HADHB: variants seen among roughly 807,000 people sequenced by gnomAD.
HADHB encodes the protein trifunctional enzyme subunit beta, mitochondrial.
Under a neutral mutation model 61.9 loss-of-function variants are expected in HADHB, and 50 were observed. The observed-to-expected ratio is 0.81, with a 90% CI of 0.64 to 1.02. HADHB has a LOEUF of 1.02. Among genes scored for constraint, HADHB ranks in the 50% least tolerant of loss-of-function variants. The pLI is 0.00. For missense variants in HADHB, 504 were observed against 586.5 expected, an observed-to-expected ratio of 0.86 and a Z score of 1.45; for synonymous variants, 191 against 201.6, an observed-to-expected ratio of 0.95 and a Z score of 0.45.
chr2:26,265,591 A>G (rs1672042155), intron 4 of HADHB, among the ~76,000 whole-genome samples: 1 of 136,360 alleles, frequency 7.3e-6, no homozygotes, highest in Non-Finnish European at 1.7e-5. Flanking sequence ...GCAAAACTCC[A>G]TCTCAAAACA....
In HADHB at chr2:26,273,699, C is replaced by A. The variant is rs1428549804; in HGVS notation, c.303C>A (p.Ile101=). The part of the protein sequence containing the change: ...TSVPKEVVDY[I]IFGTVIQEVK... The stretch of plus-strand genomic sequence containing the variant: ...TCCCTAAGGAAGTAGTTGATTATAT[C>A]ATCTTTGGTACAGTTATTCAGGAAG... The change falls in exon 6 of 16, where the codon ATC becomes ATA. Residue 101 remains isoleucine (I), a synonymous_variant. Coordinates refer to ENST00000317799, the MANE Select transcript of HADHB (RefSeq NM_000183.3). The A allele has an allele frequency of 1.2e-6, 2 of 1,609,650 alleles. No individual in the cohort carries two copies. Among genetic ancestry groups the A allele is most frequent in the African/African-American group, 2.7e-5 (2 of 74,796 alleles).
intron 4 of HADHB, 68 bp downstream of exon 4, chr2:26,263,547 A>G: frequency 1.0e-6 from 1 of 959,032 alleles, no homozygotes; most frequent in East Asian, 2.4e-5. Context: ...GTCTTTGTAA[A>G]TGTAACCCAG....
intron 2 of HADHB, 44 bp downstream of exon 2, chr2:26,254,362 A>G (rs2147800955): frequency 6.9e-7 from 1 of 1,459,216 alleles, no homozygotes; most frequent in East Asian, 2.3e-5. Flanking sequence ...TTGGATTTGG[A>G]TTTATAAACA....
At chr2:26,249,662 A>G (rs574787718) in intron 1 of HADHB, among the ~76,000 whole-genome samples, 6 of 151,884 alleles carry the variant, frequency 4.0e-5, no homozygotes, top group East Asian at 1.9e-4. Flanking sequence ...TGTTAGCTCT[A>G]TCTTAGCCTA....
At chr2:26,246,947 TGCGTGCGTGTGTGTGTGTGC>T (rs1341743500) in intron 1 of HADHB, among the ~76,000 whole-genome samples, 2 of 152,178 alleles carry the variant, frequency 1.3e-5, no homozygotes, top group Non-Finnish European at 1.5e-5. Context: ...CACGTGGGTG[TGCGTGCGTGTGTGTGTGTGC>T]GCGTGCGCGT....
Position 26,276,472 on chromosome 2 carries a change from C to A in HADHB, c.355-601C>A, listed in dbSNP as rs1318400995. Among the ~76,000 whole-genome samples, 2 of 152,224 alleles carry A rather than the reference C, an allele frequency of 1.3e-5. 1 individual carries two copies. Among genetic ancestry groups the A allele is most frequent in the Admixed American group, 1.3e-4 (2 of 15,286 alleles). ...TTGCATTGGGTCTGCAGTGTGCTATCTGAAGTATCAGACGGTCAGTAAGAG... is the reference window on the plus strand; with the variant it reads ...TTGCATTGGGTCTGCAGTGTGCTATATGAAGTATCAGACGGTCAGTAAGAG... On this transcript the variant is annotated intron_variant, in intron 6 of 15. Coordinates refer to ENST00000317799, the MANE Select transcript of HADHB (RefSeq NM_000183.3).
intron 10 of HADHB, among the ~76,000 whole-genome samples, chr2:26,281,353 A>G (rs931050679): frequency 1.3e-5 from 2 of 152,190 alleles, no homozygotes; most frequent in Non-Finnish European, 2.9e-5. Context: ...CAGATGTTTG[A>G]CATATTTGCC....
chr2:26,275,218 T>C (rs1672494368), intron 6 of HADHB, among the ~76,000 whole-genome samples: 1 of 151,932 alleles, frequency 6.6e-6, no homozygotes, highest in African/African-American at 2.4e-5. Flanking sequence ...CCTGTATTAA[T>C]AATGTTAATA....
rs534672424 is a variant in HADHB at position 26,271,211 on chromosome 2, A to T, written c.254+1214A>T. ...CGCCCGGCCGATTCTTCTCTAGCTTAAAAAAAAAAAACTGGGCCAAGCACG... is the reference window on the plus strand; with the variant it reads ...CGCCCGGCCGATTCTTCTCTAGCTTTAAAAAAAAAAACTGGGCCAAGCACG... On this transcript the variant is annotated intron_variant, in intron 5 of 15. Transcript: ENST00000317799. Among the ~76,000 whole-genome samples the T allele has an allele frequency of 4.2e-5, 6 of 143,092 alleles. No individual in the cohort carries two copies. In the East Asian group the frequency reaches 1.2e-3, roughly 30 times the overall value. The allele number at this position is 143,092 out of a possible 152,430, so 93.9% of individuals were successfully genotyped here.
At chr2:26,278,037 A>G (rs1685199432) in intron 7 of HADHB, among the ~76,000 whole-genome samples, 1 of 152,254 alleles carries the variant, frequency 6.6e-6, no homozygotes, top group South Asian at 2.1e-4. Flanking sequence ...GAAGCCTGAA[A>G]GATTTAGTAA....
At chr2:26,269,795 C>G (rs563637381) in intron 4 of HADHB, among the ~76,000 whole-genome samples, 158 bp from the exon 5 acceptor site, 1 of 152,186 alleles carries the variant, frequency 6.6e-6, no homozygotes, top group African/African-American at 2.4e-5. Context: ...CGAAGTCACA[C>G]TATTTCTTCA....
At chr2:26,256,224 C>G (rs992765076) in intron 3 of HADHB, among the ~76,000 whole-genome samples, 3 of 152,132 alleles carry the variant, frequency 2.0e-5, no homozygotes, top group African/African-American at 7.2e-5. Context: ...GGGAAGTGGC[C>G]AGCTGATTTG....
chr2:26,268,882 C>CA (rs1672210985), intron 4 of HADHB, among the ~76,000 whole-genome samples: 2 of 152,248 alleles, frequency 1.3e-5, no homozygotes, highest in Non-Finnish European at 2.9e-5. Context: ...CGCGGTGACT[C>CA]ACGTCTGTAA....
At chr2:26,245,414 C>T (rs561626111) in intron 1 of HADHB, 1 of 152,046 alleles carries the variant, frequency 6.6e-6, no homozygotes, top group South Asian at 2.1e-4. Flanking sequence ...TGGGTTTGCC[C>T]GATTTCTGCT....
At chr2:26,247,705 A>G (rs1293262296) in intron 1 of HADHB, among the ~76,000 whole-genome samples, 2 of 152,192 alleles carry the variant, frequency 1.3e-5, no homozygotes, top group Non-Finnish European at 2.9e-5. Context: ...TAAACGATAC[A>G]GCATAACGAC....
At chr2:26,270,757 GTC>G (rs201468686) in intron 5 of HADHB, among the ~76,000 whole-genome samples, 2,150 of 152,010 alleles carry the variant, frequency 0.014, 22 homozygotes, top group Non-Finnish European at 0.021. Flanking sequence ...TCAGTCCTCT[GTC>G]TCTGTACTTT....
intron 15 of HADHB, among the ~76,000 whole-genome samples, chr2:26,288,727 A>T (rs1673144680): frequency 6.6e-6 from 1 of 152,070 alleles, no homozygotes. Flanking sequence ...CAGAAAAACC[A>T]AGTACTTAAC....
intron 6 of HADHB, among the ~76,000 whole-genome samples, chr2:26,275,928 A>C (rs921815320): frequency 6.6e-6 from 1 of 152,220 alleles, no homozygotes; most frequent in South Asian, 2.1e-4. Flanking sequence ...GAGGATAATT[A>C]ATAGTTTCAG....
rs1553322031 is a variant in HADHB at position 26,279,134 on chromosome 2, G to A, written c.631-1G>A. On this transcript the variant is annotated splice_acceptor_variant, in intron 8 of 15. Transcript: ENST00000317799. LOFTEE classifies it high-confidence loss of function. Reference sequence around the variant, plus strand: ...TGCTCCTTGGATATCTCCTTTCCCAGCTCCCTGCGGTTTCTGAGTTCTCCA... The same window carrying A: ...TGCTCCTTGGATATCTCCTTTCCCAACTCCCTGCGGTTTCTGAGTTCTCCA... 6.2e-7 allele frequency: 1 copy of A among 1,612,470 alleles called. No homozygotes were observed. The highest frequency in any genetic ancestry group is 1.7e-4 in the Middle Eastern group (1 of 6,060).
Sources: gnomAD v4.1 joint callset for allele counts (sites outside exome capture counted in the v4.1 genomes callset) on GRCh38, gnomAD v4.1.1 for gene constraint, MANE v1.5 for transcripts, NCBI Gene and HGNC (gene_info 2026-07-23, HGNC 2026-07-21) for gene names.